The following ZCCHC7 variants were observed in gnomAD, a reference collection of about 807,000 sequenced individuals.
ZCCHC7 encodes zinc finger CCHC-type containing 7, also known as zinc finger CCHC domain-containing protein 7.
Under a neutral mutation model 52.0 loss-of-function variants are expected in ZCCHC7, and 35 were observed. The ratio of observed to expected loss-of-function variants is 0.67; its 90% CI spans 0.51 to 0.89. The LOEUF (loss-of-function observed/expected upper bound fraction) is 0.89. Ranked by LOEUF, ZCCHC7 falls within the 40% of genes least tolerant of loss-of-function variation. The pLI is 0.00. For synonymous variants in ZCCHC7, 217 were observed against 221.5 expected (o/e 0.98, Z 0.18); for missense variants, 574 against 649.1 (o/e 0.88, Z 1.26).
At chr9:37,246,931 TG>T (rs1029395651) in intron 2 of ZCCHC7, among the ~76,000 whole-genome samples, 2 of 152,198 alleles carry the variant, frequency 1.3e-5, no homozygotes, top group African/African-American at 4.8e-5. Context: ...ACCTGTTTTT[TG>T]TGATGAGAAC....
chr9:37,198,491 T>C (rs1823404866), intron 2 of ZCCHC7, among the ~76,000 whole-genome samples: 1 of 152,242 alleles, frequency 6.6e-6, no homozygotes, highest in Non-Finnish European at 1.5e-5. Context: ...TCCCTTCCTC[T>C]GAGCCTACTT....
chr9:37,267,003 A>G (rs1195924834), intron 2 of ZCCHC7, among the ~76,000 whole-genome samples: 2 of 152,196 alleles, frequency 1.3e-5, no homozygotes, highest in African/African-American at 4.8e-5. Context: ...GGTCAAAAAA[A>G]TGTTATATTG....
In ZCCHC7 at chr9:37,260,800, T is replaced by TC. The variant is rs1826829040; in HGVS notation, c.611-41385dup. 2.0e-5 allele frequency among the ~76,000 whole-genome samples: 3 copies of TC among 152,262 alleles called. No individual in the cohort carries two copies. In the South Asian group the frequency reaches 6.2e-4, roughly 32 times the overall value. On this transcript the variant is annotated intron_variant, in intron 2 of 8. Coordinates refer to ENST00000336755, the MANE Select transcript of ZCCHC7 (RefSeq NM_032226.3). The stretch of plus-strand genomic sequence containing the variant: ...TCTAGGAGCCTTATGGAAGCTGAAC[T>TC]CCCTGGCAGCCAGGACTGTAGCTAT...
intron 2 of ZCCHC7, among the ~76,000 whole-genome samples, chr9:37,160,693 C>T (rs1009870859): frequency 1.3e-5 from 2 of 151,946 alleles, no homozygotes; most frequent in Non-Finnish European, 2.9e-5. Context: ...CAAGACCAGC[C>T]CGGCCAATGT....
At chr9:37,307,069 A>G (rs1387371496) in intron 5 of ZCCHC7, among the ~76,000 whole-genome samples, 1 of 150,852 alleles carries the variant, frequency 6.6e-6, no homozygotes, top group Non-Finnish European at 1.5e-5. Flanking sequence ...TACAGGTGTG[A>G]GCCACCACAC....
At chr9:37,218,324 G>A (rs1824622315) in intron 2 of ZCCHC7, among the ~76,000 whole-genome samples, 2 of 152,138 alleles carry the variant, frequency 1.3e-5, no homozygotes. Flanking sequence ...AAAGTGCTTT[G>A]TCTTTCCACT....
At chr9:37,196,809 A>G (rs1823312174) in intron 2 of ZCCHC7, among the ~76,000 whole-genome samples, 1 of 152,142 alleles carries the variant, frequency 6.6e-6, no homozygotes, top group South Asian at 2.1e-4. Context: ...GAGGACATTT[A>G]AAAAACCCTC....
At chr9:37,216,479 A>G (rs1824512419) in intron 2 of ZCCHC7, among the ~76,000 whole-genome samples, 1 of 152,188 alleles carries the variant, frequency 6.6e-6, no homozygotes, top group Admixed American at 6.5e-5. Context: ...GATCGAGACC[A>G]GCCTGACCAA....
At position 37,125,502 on chromosome 9, in the gene ZCCHC7, G is replaced by A. The variant is rs530056559; in HGVS notation, c.-21-810G>A. ...TTGGCCAATGATCAGAGGGCCGTGC[G>A]ATTAATTTGTTAATTGAGAATATAC... On this transcript the variant is annotated intron_variant, in intron 1 of 8. Coordinates refer to ENST00000336755, the MANE Select transcript of ZCCHC7 (RefSeq NM_032226.3). 6.6e-5 allele frequency among the ~76,000 whole-genome samples: 10 copies of A among 152,314 alleles called. No homozygotes were observed. In the South Asian group the frequency reaches 1.5e-3, roughly 22 times the overall value.
At chr9:37,203,517 C>T (rs967287362) in intron 2 of ZCCHC7, among the ~76,000 whole-genome samples, 4 of 152,084 alleles carry the variant, frequency 2.6e-5, no homozygotes, top group African/African-American at 7.2e-5. Flanking sequence ...TATGTGTTCT[C>T]GTTATTCAAC....
chr9:37,165,740 T>C (rs1044068935), intron 2 of ZCCHC7, among the ~76,000 whole-genome samples: 2 of 152,200 alleles, frequency 1.3e-5, no homozygotes, highest in Middle Eastern at 3.2e-3. Flanking sequence ...AAACACACTC[T>C]TTGAGGCTGA....
intron 2 of ZCCHC7, among the ~76,000 whole-genome samples, chr9:37,273,430 G>A (rs1311070120): frequency 2.6e-5 from 4 of 152,190 alleles, no homozygotes; most frequent in Non-Finnish European, 4.4e-5. Context: ...GTGAACCTGG[G>A]AGGTGGAGCT....
chr9:37,181,016 A>G (rs768567271), intron 2 of ZCCHC7, among the ~76,000 whole-genome samples: 60 of 152,192 alleles, frequency 3.9e-4, no homozygotes, highest in Admixed American at 2.8e-3. Flanking sequence ...AAAACAGCTC[A>G]AACTGTTAAA....
chr9:37,289,139 T>C (rs1828404351), intron 2 of ZCCHC7, among the ~76,000 whole-genome samples: 1 of 151,906 alleles, frequency 6.6e-6, no homozygotes, highest in African/African-American at 2.4e-5. Flanking sequence ...TTTTACTGTG[T>C]TCTTCTTTTA....
chr9:37,120,574 C>T lies in ZCCHC7; in HGVS notation c.-71C>T, dbSNP rs1008356648. On this transcript the variant is annotated 5_prime_UTR_variant, in exon 1 of 9. Coordinates refer to ENST00000336755, the MANE Select transcript of ZCCHC7 (RefSeq NM_032226.3). ...CATTTGTCCTCGCCCCTCCCCGTCC[C>T]TCTACGCGTTTTGGTTCCCGGTTGG... is the stretch of plus-strand genomic sequence containing the variant. 5 of 399,274 alleles carry T rather than the reference C, an allele frequency of 1.3e-5. No homozygotes were observed. Among genetic ancestry groups the T allele is most frequent in the African/African-American group, 8.2e-5 (4 of 48,642 alleles). 24.7% of individuals were successfully genotyped at this position (399,274 alleles called of 1,614,324 possible). A position where few individuals can be genotyped will look rare whatever the true frequency, so the allele number is the denominator to read the frequency against.
At chr9:37,172,044 C>T (rs1032694086) in intron 2 of ZCCHC7, among the ~76,000 whole-genome samples, 9 of 151,998 alleles carry the variant, frequency 5.9e-5, no homozygotes, top group African/African-American at 1.7e-4. Context: ...ATAAATGAGG[C>T]GAGTTTTTAT....
chr9:37,158,204 A>G (rs1456766146), intron 2 of ZCCHC7, among the ~76,000 whole-genome samples: 1 of 152,234 alleles, frequency 6.6e-6, no homozygotes, highest in Non-Finnish European at 1.5e-5. Flanking sequence ...ATTTATTGTG[A>G]CAGTTTGAGT....
chr9:37,149,625 CATAGA>C (rs771809572), intron 2 of ZCCHC7, among the ~76,000 whole-genome samples: 55 of 152,204 alleles, frequency 3.6e-4, no homozygotes, highest in Admixed American at 4.6e-4. Context: ...TCACATTATA[CATAGA>C]ATAGAATGAT....
At chr9:37,210,493 A>G (rs1824159587) in intron 2 of ZCCHC7, among the ~76,000 whole-genome samples, 1 of 152,184 alleles carries the variant, frequency 6.6e-6, no homozygotes, top group South Asian at 2.1e-4. Flanking sequence ...GAAAACACCA[A>G]GATTTTTCAG....
Sources: allele counts gnomAD v4.1 joint callset (sites outside exome capture counted in the v4.1 genomes callset), GRCh38; gene constraint gnomAD v4.1.1; transcripts MANE v1.5; gene names NCBI Gene and HGNC (gene_info 2026-07-23, HGNC 2026-07-21).